COLGALT2: variants seen among roughly 807,000 people sequenced by gnomAD.
The protein encoded by COLGALT2 is collagen beta(1-O)galactosyltransferase 2, also known as procollagen galactosyltransferase 2.
A neutral mutation model predicts 73.4 loss-of-function variants in COLGALT2; 49 were observed. The ratio of observed to expected loss-of-function variants is 0.67; its 90% confidence interval spans 0.53 to 0.85. COLGALT2 has a LOEUF of 0.85. Ranked by LOEUF, COLGALT2 falls within the 40% of genes least tolerant of loss-of-function variation. The probability of loss-of-function intolerance (pLI) is 0.00; values close to 1 mark genes in which losing one functional copy is unlikely to be tolerated. For missense variants in COLGALT2, 722 were observed against 790.2 expected (o/e 0.91, Z 1.03); for synonymous variants, 295 against 307.6 (o/e 0.96, Z 0.43).
At chr1:183,964,096 G>T in intron 5 of COLGALT2, 76 bp from the exon 6 acceptor site, 1 of 1,526,194 alleles carries the variant, frequency 6.6e-7, no homozygotes, top group Non-Finnish European at 9.0e-7. Flanking sequence ...GAAGGAACCT[G>T]AACTGTGTCT....
chr1:183,963,851 C>G (rs748050705), intron 6 of COLGALT2, 50 bp downstream of exon 6: 5 of 1,491,920 alleles, frequency 3.4e-6, no homozygotes, highest in Non-Finnish European at 4.5e-6. Flanking sequence ...CTGGTATGGT[C>G]ACTGTGGCAA....
intron 1 of COLGALT2, among the ~76,000 whole-genome samples, chr1:184,015,660 CCTG>C (rs2102850930): frequency 6.6e-6 from 1 of 152,270 alleles, no homozygotes; most frequent in Non-Finnish European, 1.5e-5. Flanking sequence ...GCAACAGATC[CCTG>C]GCCCTCTGCC....
Position 183,936,988 on chromosome 1 carries a change from G to A in COLGALT2, c.*1773C>T. On this transcript the variant is annotated 3_prime_UTR_variant, in exon 12 of 12. Coordinates refer to ENST00000361927, the MANE Select transcript of COLGALT2 (RefSeq NM_015101.4). The stretch of plus-strand genomic sequence containing the variant: ...GCCTTGACTACCTATTTGGTGATGA[G>A]ACAGCTTGGTGATCACTTTCTCTAG... 1 of 1,231,732 alleles carries A rather than the reference G, an allele frequency of 8.1e-7. No homozygotes were observed. The highest frequency in any genetic ancestry group is 1.0e-6 in the Non-Finnish European group (1 of 987,976). 76.3% of individuals were successfully genotyped at this position (1,231,732 alleles called of 1,614,324 possible).
chr1:183,934,281 A>G (rs561487997), downstream of COLGALT2, among the ~76,000 whole-genome samples: 2 of 152,250 alleles, frequency 1.3e-5, no homozygotes, highest in South Asian at 2.1e-4. Flanking sequence ...ATCTACCATC[A>G]TTACTTCTCT....
chr1:183,995,124 T>A (rs182190404), intron 1 of COLGALT2, among the ~76,000 whole-genome samples: 1 of 152,150 alleles, frequency 6.6e-6, no homozygotes, highest in African/African-American at 2.4e-5. Flanking sequence ...AACAATAACA[T>A]GAATACATAT....
intron 1 of COLGALT2, among the ~76,000 whole-genome samples, chr1:184,013,640 C>T (rs529882519): frequency 1.6e-4 from 25 of 152,044 alleles, no homozygotes; most frequent in Non-Finnish European, 2.2e-4. Flanking sequence ...CCAAGGTATA[C>T]GGATTTTACC....
At position 184,037,148 on chromosome 1, in the gene COLGALT2, G is replaced by A. The variant is rs1483675832; in HGVS notation, c.210C>T (p.His70=). Residue 70 remains histidine, a synonymous_variant, in exon 1 of 12, where the codon CAC becomes CAT. Transcript: ENST00000361927. ...CCAGCCGCTCCAGGCAGCCGAGGAA[G>A]TGCGGCAGCGTGTGCGCCGCGTTGC... The part of the protein sequence containing the change: ...LARNAAHTLP[H]FLGCLERLDY... 7 of 1,600,418 alleles carry A rather than the reference G, an allele frequency of 4.4e-6. No homozygotes were observed. The highest frequency in any genetic ancestry group is 6.0e-6 in the Non-Finnish European group (7 of 1,175,236).
intron 1 of COLGALT2, among the ~76,000 whole-genome samples, chr1:184,029,416 G>C: frequency 6.6e-6 from 1 of 152,296 alleles, no homozygotes; most frequent in Middle Eastern, 3.4e-3. Flanking sequence ...CCTGAGGTGG[G>C]AGCAAAGCTC....
chr1:183,969,424 C>T lies in COLGALT2; in HGVS notation c.677G>A (p.Arg226Lys). ...CATGGGGACGGGGAAGCAGCCTGTC[C>T]TCTTCCATTCTCGAATCTGAACGTA... ...PDYVQIREWKRTGCFPVPMVH... is the reference protein window; with the variant it reads ...PDYVQIREWKKTGCFPVPMVH... The change falls in exon 5 of 12, where the codon AGG becomes AAG. Residue 226 changes from arginine (R) to lysine (K), a missense_variant. Transcript: ENST00000361927. 1 of 1,613,504 alleles carries T rather than the reference C, an allele frequency of 6.2e-7. No homozygotes were observed. The highest frequency in any genetic ancestry group is 8.5e-7 in the Non-Finnish European group (1 of 1,179,680).
chr1:183,981,307 C>T lies in COLGALT2; in HGVS notation c.264-2787G>A, dbSNP rs527538345. ...ACATGAAATAATTTAGCTTCTATTG[C>T]ATCATTACTTTCACTGCTATTTGTA... On this transcript the variant is annotated intron_variant, in intron 1 of 11. Coordinates refer to ENST00000361927, the MANE Select transcript of COLGALT2 (RefSeq NM_015101.4). Among the ~76,000 whole-genome samples the T allele has an allele frequency of 5.3e-5, 8 of 152,156 alleles. No homozygotes were observed. In the South Asian group the frequency reaches 1.5e-3, roughly 28 times the overall value.
At chr1:183,993,927 T>A (rs886754058) in intron 1 of COLGALT2, among the ~76,000 whole-genome samples, 7 of 151,688 alleles carry the variant, frequency 4.6e-5, no homozygotes, top group South Asian at 2.1e-4. Context: ...TCATCAGGAC[T>A]GTTATGTGTA....
intron 1 of COLGALT2, among the ~76,000 whole-genome samples, chr1:183,997,574 A>T (rs1671803947): frequency 1.3e-5 from 2 of 152,222 alleles, no homozygotes; most frequent in Non-Finnish European, 2.9e-5. Context: ...TGAGCTATAA[A>T]AAAATTGCAA....
At chr1:183,941,531 G>A (rs542593298) in intron 10 of COLGALT2, among the ~76,000 whole-genome samples, 26 of 152,288 alleles carry the variant, frequency 1.7e-4, no homozygotes, top group East Asian at 5.8e-4. Flanking sequence ...ACTTTTGTCC[G>A]GAACCTATTG....
chr1:183,944,405 A>G, intron 9 of COLGALT2, 82 bp from the exon 10 acceptor site: 1 of 1,478,472 alleles, frequency 6.8e-7, no homozygotes, highest in Non-Finnish European at 9.1e-7. Context: ...TTAAAAAGTC[A>G]CGAGTCTAGT....
chr1:183,950,733 C>A (rs1269430800), intron 8 of COLGALT2, among the ~76,000 whole-genome samples: 1 of 152,180 alleles, frequency 6.6e-6, no homozygotes. Context: ...AAAACCACCA[C>A]AACTGTTGCA....
At chr1:183,967,766 T>C (rs939197775) in intron 5 of COLGALT2, among the ~76,000 whole-genome samples, 4 of 152,230 alleles carry the variant, frequency 2.6e-5, no homozygotes, top group Non-Finnish European at 4.4e-5. Context: ...GCCCTGACTT[T>C]GCTTCCCATC....
Position 184,015,771 on chromosome 1 carries a change from A to C in COLGALT2, c.263+21324T>G, listed in dbSNP as rs927935870. 4.0e-4 allele frequency among the ~76,000 whole-genome samples: 61 copies of C among 152,216 alleles called. 1 individual carries two copies. The highest frequency in any genetic ancestry group is 1.3e-4 in the Non-Finnish European group (9 of 68,028). On this transcript the variant is annotated intron_variant, in intron 1 of 11. Coordinates refer to ENST00000361927, the MANE Select transcript of COLGALT2 (RefSeq NM_015101.4). The stretch of plus-strand genomic sequence containing the variant: ...ATGCTTTAGTGCCAGATGACAAGCC[A>C]GGGAGTTCACAGAACACCTTGTGGT...
chr1:184,009,708 G>GTAA (rs1218818870), intron 1 of COLGALT2, among the ~76,000 whole-genome samples: 7 of 152,202 alleles, frequency 4.6e-5, no homozygotes, highest in Non-Finnish European at 1.0e-4. Context: ...GAACCTGGTA[G>GTAA]TAATGGTCCA....
At position 183,951,055 on chromosome 1, in the gene COLGALT2, A is replaced by G; in HGVS notation, c.1088T>C (p.Leu363Pro). Residue 363 changes from leucine (L) to proline (P), a missense_variant, in exon 8 of 12, where the codon CTG (leucine) becomes CCG (proline). Transcript: ENST00000361927. ...CTTGACCTCAATCTCCTGTTCATACAGTGTGCGCAGCATCCGGTCCCGCCT... is the reference window on the plus strand; with the variant it reads ...CTTGACCTCAATCTCCTGTTCATACGGTGTGCGCAGCATCCGGTCCCGCCT... ...KDRRDRMLRT[L>P]YEQEIEVKIV... 1 of 1,613,938 alleles carries G rather than the reference A, an allele frequency of 6.2e-7. No homozygotes were observed. The highest frequency in any genetic ancestry group is 8.5e-7 in the Non-Finnish European group (1 of 1,179,882).
Sources: gnomAD v4.1 joint callset for allele counts (sites outside exome capture counted in the v4.1 genomes callset) on GRCh38, gnomAD v4.1.1 for gene constraint, MANE v1.5 for transcripts, NCBI Gene and HGNC (gene_info 2026-07-23, HGNC 2026-07-21) for gene names.